JMJD1C: variants seen among roughly 807,000 people sequenced by gnomAD.
JMJD1C encodes jumonji domain containing 1C, also known as jumonji domain-containing protein 1C.
In JMJD1C, 31 loss-of-function variants were observed where a neutral mutation model predicts 245.3. That is an observed-to-expected ratio of 0.13 (90% CI 0.09 to 0.17). The LOEUF is 0.17. Ranked by LOEUF, JMJD1C falls within the 10% of genes least tolerant of loss-of-function variation. JMJD1C has a pLI of 1.00. For synonymous variants in JMJD1C, 1,057 were observed against 1,017.4 expected (o/e 1.04, Z -0.74); for missense variants, 2,691 against 3,000.2 (o/e 0.90, Z 2.41).
chr10:63,184,456 A>C, intron 21 of JMJD1C, 152 bp downstream of exon 21: 2 of 600,546 alleles, frequency 3.3e-6, no homozygotes, highest in South Asian at 2.7e-5. Context: ...GTTGACCAGG[A>C]TGGTCTCAAT....
chr10:63,214,797 T>C lies in JMJD1C; in HGVS notation c.1370A>G (p.Gln457Arg), dbSNP rs751789655. ...EKRKSVDTQLQEDMIIHSSEQ... is the reference protein window; with the variant it reads ...EKRKSVDTQLREDMIIHSSEQ... Reference sequence around the variant, plus strand: ...TGACGAATGAATAATCATATCTTCTTGAAGCTGAGTGTCAACAGACTTCCG... The same window carrying C: ...TGACGAATGAATAATCATATCTTCTCGAAGCTGAGTGTCAACAGACTTCCG... The change falls in exon 8 of 26, where the codon CAA becomes CGA. Residue 457 changes from glutamine to arginine, a missense_variant. Coordinates refer to ENST00000399262, the MANE Select transcript of JMJD1C (RefSeq NM_032776.3). The C allele has an allele frequency of 2.2e-5, 35 of 1,613,672 alleles. No individual in the cohort carries two copies. In the Admixed American group the frequency reaches 4.3e-4, roughly 20 times the overall value.
chr10:63,363,050 G>A (rs1483370324), intron 2 of JMJD1C, among the ~76,000 whole-genome samples: 1 of 151,868 alleles, frequency 6.6e-6, no homozygotes, highest in African/African-American at 2.4e-5. Context: ...AAATAAATGG[G>A]GCTGAAAGAA....
chr10:63,486,137 T>TAA lies in JMJD1C; in HGVS notation n.113+35599_113+35600dup, dbSNP rs1166721473. On this transcript the variant is annotated intron_variant and non_coding_transcript_variant, in intron 1 of 3. Coordinates refer to the JMJD1C transcript ENST00000633035. ...GAAAGTAAAGGGCTTCAAGCAATTG[T>TAA]AAAAAAAAAAAAAAAAAAAAAAAAA... is the stretch of plus-strand genomic sequence containing the variant. Among the ~76,000 whole-genome samples, 139 of 73,270 alleles carry TAA rather than the reference T, an allele frequency of 1.9e-3. 7 individuals carry two copies. Among genetic ancestry groups the TAA allele is most frequent in the African/African-American group, 0.011 (130 of 12,302 alleles). The allele number at this position is 73,270 out of a possible 152,430, so 48.1% of individuals were successfully genotyped here.
intron 1 of JMJD1C, among the ~76,000 whole-genome samples, chr10:63,464,108 A>C (rs1048579225): frequency 2.0e-5 from 3 of 152,160 alleles, no homozygotes; most frequent in Non-Finnish European, 2.9e-5. Context: ...ATAGTTACTG[A>C]ATTGAACTGC....
At chr10:63,510,414 A>G (rs1954840919) in intron 1 of JMJD1C, among the ~76,000 whole-genome samples, 1 of 152,014 alleles carries the variant, frequency 6.6e-6, no homozygotes, top group Admixed American at 6.6e-5. Flanking sequence ...TTTCATTTTG[A>G]TTTATTTCAA....
intron 1 of JMJD1C, among the ~76,000 whole-genome samples, chr10:63,404,794 A>G (rs1377567993): frequency 1.3e-5 from 2 of 152,216 alleles, no homozygotes; most frequent in Non-Finnish European, 2.9e-5. Context: ...TTATTAACTT[A>G]TAAATATGTA....
chr10:63,412,378 G>A (rs545207882), intron 1 of JMJD1C, among the ~76,000 whole-genome samples: 3 of 152,224 alleles, frequency 2.0e-5, no homozygotes, highest in Non-Finnish European at 2.9e-5. Flanking sequence ...GGTATCATTC[G>A]AAGTTTGCGA....
At chr10:63,456,229 A>T (rs543790102) in intron 1 of JMJD1C, among the ~76,000 whole-genome samples, 1 of 152,256 alleles carries the variant, frequency 6.6e-6, no homozygotes, top group Non-Finnish European at 1.5e-5. Context: ...GTTCTAGCGA[A>T]CAGTGGAAAC....
intron 1 of JMJD1C, among the ~76,000 whole-genome samples, chr10:63,450,394 ACT>A (rs1156746954): frequency 6.6e-6 from 1 of 151,958 alleles, no homozygotes; most frequent in African/African-American, 2.4e-5. Flanking sequence ...TATTACCATG[ACT>A]CTGCCTGTGA....
At chr10:63,184,766 T>C (rs1192879068) in intron 20 of JMJD1C, 28 bp from the exon 21 acceptor site, 2 of 1,584,104 alleles carry the variant, frequency 1.3e-6, no homozygotes, top group Non-Finnish European at 1.7e-6. Flanking sequence ...TGCCTTCTTA[T>C]AAATAAAGAT....
chr10:63,226,022 G>C (rs1426164070), intron 3 of JMJD1C, among the ~76,000 whole-genome samples: 1 of 125,074 alleles, frequency 8.0e-6, no homozygotes, highest in Non-Finnish European at 1.6e-5. Flanking sequence ...TCTCTCATTA[G>C]CACAATCAAA....
At chr10:63,348,085 G>A (rs192006624) in intron 2 of JMJD1C, among the ~76,000 whole-genome samples, 58 of 151,926 alleles carry the variant, frequency 3.8e-4, no homozygotes, top group Admixed American at 9.2e-4. Flanking sequence ...GTGTGGTGGC[G>A]CATGCTTGCA....
chr10:63,502,816 A>G (rs77374059), intron 1 of JMJD1C, among the ~76,000 whole-genome samples: 8,886 of 152,224 alleles, frequency 0.058, 430 homozygotes, highest in African/African-American at 0.13. Context: ...CTTGGAATCA[A>G]TTCTTACGGA....
At chr10:63,301,225 G>C (rs996428251) in intron 2 of JMJD1C, among the ~76,000 whole-genome samples, 4 of 152,132 alleles carry the variant, frequency 2.6e-5, no homozygotes, top group African/African-American at 9.7e-5. Flanking sequence ...ATATCGTCCA[G>C]ACTGGTCTTG....
At chr10:63,511,917 C>T (rs546339013) in intron 1 of JMJD1C, among the ~76,000 whole-genome samples, 3 of 152,242 alleles carry the variant, frequency 2.0e-5, no homozygotes, top group South Asian at 4.1e-4. Context: ...CCTTCTCCTT[C>T]CCCTTCTTCT....
chr10:63,291,310 GA>G (rs59082600), intron 2 of JMJD1C, among the ~76,000 whole-genome samples: 2,005 of 69,078 alleles, frequency 0.029, 24 homozygotes, highest in Non-Finnish European at 0.041. Context: ...GTCTGTCTCA[GA>G]AAAAAAAAAA....
chr10:63,217,179 C>G, intron 5 of JMJD1C, 28 bp downstream of exon 5: 1 of 1,585,992 alleles, frequency 6.3e-7, no homozygotes, highest in Non-Finnish European at 8.6e-7. Flanking sequence ...TTTAAAATCT[C>G]TATAAAAATA....
At chr10:63,273,547 C>T (rs1365266240) in intron 2 of JMJD1C, among the ~76,000 whole-genome samples, 1 of 152,132 alleles carries the variant, frequency 6.6e-6, no homozygotes, top group Non-Finnish European at 1.5e-5. Flanking sequence ...ATGGTAGATC[C>T]CACCTTTCAC....
intron 1 of JMJD1C, among the ~76,000 whole-genome samples, chr10:63,397,373 C>T (rs929294718): frequency 1.3e-5 from 2 of 152,012 alleles, no homozygotes; most frequent in African/African-American, 4.8e-5. Context: ...GCCACCACAC[C>T]CGGCTTATTT....
Sources: allele counts gnomAD v4.1 joint callset (sites outside exome capture counted in the v4.1 genomes callset), GRCh38; gene constraint gnomAD v4.1.1; transcripts MANE v1.5; gene names NCBI Gene and HGNC (gene_info 2026-07-23, HGNC 2026-07-21).